Variants in LMLN observed in about 807,000 individuals in gnomAD.
LMLN encodes leishmanolysin-like peptidase.
A neutral mutation model predicts 92.3 loss-of-function variants in LMLN; 70 were observed. The observed-to-expected ratio is 0.76, with a 90% CI of 0.63 to 0.92. The LOEUF (loss-of-function observed/expected upper bound fraction) is 0.92. LMLN is among the 40% of genes least tolerant of loss of function. LMLN has a pLI of 0.00. For missense variants in LMLN, 691 were observed against 814.6 expected (o/e 0.85, Z 1.85); for synonymous variants, 308 against 296.2 (o/e 1.04, Z -0.41).
exon 14 of LMLN, chr3:198,024,686 G>T: frequency 6.2e-7 from 1 of 1,608,084 alleles, no homozygotes; most frequent in Non-Finnish European, 8.5e-7. Context: ...GCGCTGAAAA[G>T]TATGGACCTC....
Position 198,025,545 on chromosome 3 carries a change from T to G in LMLN, c.1656+757T>G, listed in dbSNP as rs1385037833. ...ACCACACACCCGACTAAGTGTTTGA[T>G]TTTTTGTAGAGAAGAGGTCTCACTA... is the stretch of plus-strand genomic sequence containing the variant. On this transcript the variant is annotated intron_variant, in intron 14 of 15. Transcript: ENST00000330198. This position sits in a 1 kb window ranked among gnomAD's most constrained non-coding sequence, Gnocchi z 4.3. 6.6e-6 allele frequency among the ~76,000 whole-genome samples: 1 copy of G among 152,098 alleles called. No homozygotes were observed. Among genetic ancestry groups the G allele is most frequent in the Non-Finnish European group, 1.5e-5 (1 of 68,000 alleles).
intron 3 of LMLN, 138 bp from the exon 4 acceptor site, chr3:197,975,891 A>G (rs565496209): frequency 1.3e-5 from 7 of 558,638 alleles, no homozygotes; most frequent in Non-Finnish European, 3.1e-6. Flanking sequence ...ACCCCTTGCC[A>G]TACAACCTTG....
In LMLN at chr3:198,002,587, A is replaced by G. The variant is rs527466042; in HGVS notation, c.1232+3245A>G. On this transcript the variant is annotated intron_variant, in intron 11 of 15. Transcript: ENST00000330198. ...ACCCCGTCTCTACTAAAAATGCAAA[A>G]ATTAGTCAGACATGGTGGTGCATGC... is the stretch of plus-strand genomic sequence containing the variant. Among the ~76,000 whole-genome samples, 9 of 152,250 alleles carry G rather than the reference A, an allele frequency of 5.9e-5. No individual in the cohort carries two copies. The South Asian group carries it at 1.9e-3, about 32-fold the overall frequency.
rs1333414145 is a variant in LMLN at position 198,010,159 on chromosome 3, A to G, written c.1233-9094A>G. Among the ~76,000 whole-genome samples the G allele has an allele frequency of 4.0e-5, 6 of 151,840 alleles. No homozygotes were observed. The East Asian group carries it at 1.2e-3, about 29-fold the overall frequency. ...GTTTATTTATTTAATTATTATGATGATGATTATTTTTTGAGATGGAGTCTC... is the reference window on the plus strand; with the variant it reads ...GTTTATTTATTTAATTATTATGATGGTGATTATTTTTTGAGATGGAGTCTC... On this transcript the variant is annotated intron_variant, in intron 11 of 15. Coordinates refer to ENST00000330198, the Ensembl canonical transcript of LMLN.
At chr3:197,986,350 A>G (rs1196138380) in intron 8 of LMLN, among the ~76,000 whole-genome samples, 6 of 152,152 alleles carry the variant, frequency 3.9e-5, no homozygotes, top group Non-Finnish European at 8.8e-5. Flanking sequence ...AGTCCCAGCT[A>G]CTTGGGGTGC....
intron 1 of LMLN, among the ~76,000 whole-genome samples, chr3:197,972,406 G>A (rs1329142915): frequency 1.3e-5 from 2 of 152,068 alleles, no homozygotes; most frequent in Non-Finnish European, 2.9e-5. Context: ...TTAAGCTCTA[G>A]AATTTCCATT....
chr3:197,989,630 G>GAA (rs1341637230), intron 8 of LMLN, among the ~76,000 whole-genome samples: 1 of 152,188 alleles, frequency 6.6e-6, no homozygotes, highest in Non-Finnish European at 1.5e-5. Context: ...CTAGCTATGT[G>GAA]AACTTGAACA....
intron 6 of LMLN, among the ~76,000 whole-genome samples, chr3:197,981,224 T>C (rs1239797631): frequency 6.6e-6 from 1 of 151,304 alleles, no homozygotes; most frequent in Non-Finnish European, 1.5e-5. Context: ...ATGCAAAAAT[T>C]AGCCAGGAGT....
rs1347625835 is a variant in LMLN at position 198,019,207 on chromosome 3, TATTTTCTTTAAAGTTTG to T, written c.1233-43_1233-27del. On this transcript the variant is annotated intron_variant, in intron 11 of 15. Coordinates refer to ENST00000330198, the Ensembl canonical transcript of LMLN. The surrounding 1 kb of genome is among the most constrained non-coding windows in gnomAD (Gnocchi z 5.5). ...TGTTGGCTGTATAATGGACTTGCAG[TATTTTCTTTAAAGTTTG>T]ATACCATGGTACTTCTCTTTGTTTG... is the stretch of plus-strand genomic sequence containing the variant. 1.9e-6 allele frequency: 3 copies of T among 1,562,776 alleles called. No individual in the cohort carries two copies. The South Asian group carries it at 3.6e-5, about 19-fold the overall frequency.
exon 2 of LMLN, chr3:197,974,421 A>G (rs1289547901): frequency 3.8e-6 from 6 of 1,597,890 alleles, no homozygotes; most frequent in Non-Finnish European, 5.1e-6. Context: ...TGGTCAAGAG[A>G]GATGTTGATG....
intron 6 of LMLN, among the ~76,000 whole-genome samples, chr3:197,981,459 T>A (rs183547470): frequency 2.6e-4 from 40 of 152,380 alleles, no homozygotes; most frequent in South Asian, 1.0e-3. Context: ...ATTTGAACTT[T>A]AATTTTAGGA....
chr3:197,960,230 G>A, exon 1 of LMLN: 2 of 1,607,926 alleles, frequency 1.2e-6, no homozygotes, highest in Non-Finnish European at 1.7e-6. Context: ...CCATGGTAAC[G>A]ACGCTCGGCC....
intron 1 of LMLN, among the ~76,000 whole-genome samples, chr3:197,961,221 T>A (rs1373948169): frequency 6.6e-6 from 1 of 152,202 alleles, no homozygotes; most frequent in Non-Finnish European, 1.5e-5. Flanking sequence ...TGCAGTTAGA[T>A]TATAAGGTTC....
At position 197,989,010 on chromosome 3, in the gene LMLN, C is replaced by T. The variant is rs568660741; in HGVS notation, c.930-1549C>T. On this transcript the variant is annotated intron_variant, in intron 8 of 15. Transcript: ENST00000330198. ...TGTAGTATATCTTTTTATCCTTTTA[C>T]TTTCCACCTATTTGTGTTATTTAGT... Among the ~76,000 whole-genome samples, 3 of 152,280 alleles carry T rather than the reference C, an allele frequency of 2.0e-5. No homozygotes were observed. The South Asian group carries it at 6.2e-4, about 32-fold the overall frequency.
At chr3:198,015,157 C>G (rs1285148675) in intron 11 of LMLN, among the ~76,000 whole-genome samples, 1 of 143,852 alleles carries the variant, frequency 7.0e-6, no homozygotes, top group African/African-American at 2.6e-5. Context: ...ACTAGTCTGA[C>G]TTCTCTCCAC....
intron 14 of LMLN, among the ~76,000 whole-genome samples, chr3:198,034,208 AC>A (rs1342834761): frequency 1.5e-4 from 23 of 152,236 alleles, no homozygotes; most frequent in Admixed American, 1.5e-3. Flanking sequence ...GCATGCACTG[AC>A]TTTGAAGATA....
At chr3:197,964,985 C>T (rs956430846) in intron 1 of LMLN, among the ~76,000 whole-genome samples, 8 of 145,746 alleles carry the variant, frequency 5.5e-5, no homozygotes, top group East Asian at 2.0e-4. Flanking sequence ...CCAGCCTGGG[C>T]GACAAGAGCG....
intron 11 of LMLN, 119 bp downstream of exon 12, chr3:198,003,244 A>G: frequency 1.7e-6 from 1 of 592,070 alleles, no homozygotes; most frequent in Non-Finnish European, 2.9e-6. Flanking sequence ...ATTTTAAAAT[A>G]TATAGAAAAC....
At chr3:198,007,406 T>C (rs939657001) in intron 11 of LMLN, among the ~76,000 whole-genome samples, 1 of 151,570 alleles carries the variant, frequency 6.6e-6, no homozygotes, top group African/African-American at 2.4e-5. Flanking sequence ...AGATAGGCAA[T>C]GGCTTTAGCA....
Sources: gnomAD v4.1 joint callset for allele counts (sites outside exome capture counted in the v4.1 genomes callset) on GRCh38, gnomAD v4.1.1 for gene constraint, Gnocchi (gnomAD v3.1) non-coding constraint, MANE v1.5 for transcripts, NCBI Gene and HGNC (gene_info 2026-07-23, HGNC 2026-07-21) for gene names.